The following ZNF277 variants were observed in gnomAD, a reference collection of about 807,000 sequenced individuals.
ZNF277 encodes the protein zinc finger protein 277.
Under a neutral mutation model 60.7 loss-of-function variants are expected in ZNF277, and 55 were observed. That is an observed-to-expected ratio of 0.91 (90% confidence interval 0.73 to 1.13). ZNF277 has a LOEUF of 1.13. Ranked by LOEUF, ZNF277 falls within the 50% of genes most tolerant of loss-of-function variation. The pLI, the probability that ZNF277 is intolerant of heterozygous loss-of-function variation, is 0.00. For missense variants in ZNF277, 510 were observed against 523.0 expected, an observed-to-expected ratio of 0.98 and a Z score of 0.24; for synonymous variants, 178 against 179.3, an observed-to-expected ratio of 0.99 and a Z score of 0.06.
chr7:112,216,296 G>T (rs950859734), intron 1 of ZNF277, among the ~76,000 whole-genome samples: 6 of 151,902 alleles, frequency 3.9e-5, no homozygotes, highest in Non-Finnish European at 8.8e-5. Flanking sequence ...GTTTTTTTTG[G>T]TTTTGTTTGT....
At chr7:112,279,240 A>G (rs1308483364) in intron 1 of ZNF277, among the ~76,000 whole-genome samples, 2 of 152,152 alleles carry the variant, frequency 1.3e-5, no homozygotes, top group Non-Finnish European at 2.9e-5. Flanking sequence ...CTCATATGAT[A>G]GTTCTATTTT....
intron 1 of ZNF277, among the ~76,000 whole-genome samples, chr7:112,214,636 A>C (rs914538264): frequency 2.0e-5 from 3 of 152,224 alleles, no homozygotes; most frequent in East Asian, 3.8e-4. Flanking sequence ...CTTTGGCTAT[A>C]GGAACCAAGT....
At chr7:112,316,512 TG>T (rs1033594187) in intron 4 of ZNF277, among the ~76,000 whole-genome samples, 22 of 152,170 alleles carry the variant, frequency 1.4e-4, no homozygotes, top group African/African-American at 4.6e-4. Flanking sequence ...TTCTGTAGGT[TG>T]CCTGTTCATT....
chr7:112,221,816 T>C (rs1489243564), intron 1 of ZNF277, among the ~76,000 whole-genome samples: 3 of 152,220 alleles, frequency 2.0e-5, no homozygotes, highest in Non-Finnish European at 4.4e-5. Flanking sequence ...GCCCAGTTCC[T>C]AACAGGCCAC....
chr7:112,308,680 G>C (rs2117096788), intron 4 of ZNF277, among the ~76,000 whole-genome samples: 1 of 152,172 alleles, frequency 6.6e-6, no homozygotes, highest in Non-Finnish European at 1.5e-5. Context: ...TTTCATGCAA[G>C]TTCTAGTCTG....
At chr7:112,265,208 T>G (rs1791522527) in intron 1 of ZNF277, among the ~76,000 whole-genome samples, 1 of 152,212 alleles carries the variant, frequency 6.6e-6, no homozygotes, top group African/African-American at 2.4e-5. Flanking sequence ...CACTTGCCTT[T>G]CCACTAACCT....
At chr7:112,263,390 G>C (rs1791477385) in intron 1 of ZNF277, among the ~76,000 whole-genome samples, 1 of 152,200 alleles carries the variant, frequency 6.6e-6, no homozygotes, top group Non-Finnish European at 1.5e-5. Flanking sequence ...GTTTAAAACT[G>C]TTTATGATTC....
At chr7:112,305,732 G>A (rs915460581) in intron 4 of ZNF277, among the ~76,000 whole-genome samples, 1 of 151,838 alleles carries the variant, frequency 6.6e-6, no homozygotes, top group Non-Finnish European at 1.5e-5. Flanking sequence ...GGAATATAGG[G>A]ACTAGATAGC....
At chr7:112,218,049 T>A (rs1821932126) in intron 1 of ZNF277, among the ~76,000 whole-genome samples, 1 of 152,160 alleles carries the variant, frequency 6.6e-6, no homozygotes, top group Admixed American at 6.5e-5. Flanking sequence ...ATCCCCAAAT[T>A]TGGGGAGATT....
chr7:112,246,732 C>G (rs897588621), intron 1 of ZNF277, among the ~76,000 whole-genome samples: 2 of 152,196 alleles, frequency 1.3e-5, no homozygotes, highest in Non-Finnish European at 2.9e-5. Context: ...GGAAGCAGGA[C>G]TTTTCTGTCT....
intron 1 of ZNF277, among the ~76,000 whole-genome samples, chr7:112,252,522 C>T (rs977684900): frequency 1.3e-5 from 2 of 152,090 alleles, no homozygotes; most frequent in East Asian, 3.9e-4. Context: ...GTACTTTATA[C>T]ATATATACCC....
intron 4 of ZNF277, among the ~76,000 whole-genome samples, chr7:112,301,076 A>G (rs2117084852): frequency 6.6e-6 from 1 of 152,268 alleles, no homozygotes; most frequent in Non-Finnish European, 1.5e-5. Context: ...AATAAATAAC[A>G]TAAATCACTT....
chr7:112,293,329 C>T (rs1023433668), intron 2 of ZNF277, among the ~76,000 whole-genome samples: 1 of 152,154 alleles, frequency 6.6e-6, no homozygotes, highest in Admixed American at 6.5e-5. Context: ...GTAATCCCAG[C>T]ACTTTGGGAG....
At chr7:112,327,655 C>T (rs1352430996) in intron 5 of ZNF277, 62 bp from the exon 6 acceptor site, 18 of 1,327,508 alleles carry the variant, frequency 1.4e-5, no homozygotes, top group African/African-American at 1.5e-5. Flanking sequence ...GAATGCTATT[C>T]CAACCCAAAT....
At chr7:112,241,325 A>G (rs1257411619) in intron 1 of ZNF277, among the ~76,000 whole-genome samples, 1 of 152,168 alleles carries the variant, frequency 6.6e-6, no homozygotes, top group African/African-American at 2.4e-5. Flanking sequence ...ATCTCACCTC[A>G]GTTAAAATGG....
chr7:112,275,731 T>C (rs1791776784), intron 1 of ZNF277, among the ~76,000 whole-genome samples: 1 of 151,148 alleles, frequency 6.6e-6, no homozygotes, highest in African/African-American at 2.5e-5. Flanking sequence ...TGTTGCATTA[T>C]TAACGTAGAC....
chr7:112,316,821 T>G (rs755702382), intron 4 of ZNF277, among the ~76,000 whole-genome samples: 1 of 152,072 alleles, frequency 6.6e-6, no homozygotes, highest in Non-Finnish European at 1.5e-5. Flanking sequence ...CAAATGATTA[T>G]AAATCATTCT....
At chr7:112,208,244 G>A (rs1249336946) in intron 1 of ZNF277, among the ~76,000 whole-genome samples, 2 of 151,778 alleles carry the variant, frequency 1.3e-5, no homozygotes, top group African/African-American at 2.4e-5. Context: ...GCGTGGTGGC[G>A]GATGCCTGTA....
chr7:112,289,405 T>TC (rs1184659807), intron 2 of ZNF277, among the ~76,000 whole-genome samples: 1 of 152,228 alleles, frequency 6.6e-6, no homozygotes, highest in Non-Finnish European at 1.5e-5. Context: ...CCTTATCAGG[T>TC]CTCAGAGATA....
Sources: allele counts gnomAD v4.1 joint callset (sites outside exome capture counted in the v4.1 genomes callset), GRCh38; gene constraint gnomAD v4.1.1; transcripts MANE v1.5; gene names NCBI Gene and HGNC (gene_info 2026-07-23, HGNC 2026-07-21).